NAV3: variants seen among roughly 807,000 people sequenced by gnomAD.
The protein encoded by NAV3 is pore membrane and/or filament interacting like protein 1.
A neutral mutation model predicts 244.7 loss-of-function variants in NAV3; 87 were observed. The observed-to-expected ratio is 0.36, with a 90% CI of 0.30 to 0.42. The LOEUF is 0.42. Among genes scored for constraint, NAV3 ranks in the 20% least tolerant of loss-of-function variants. The pLI, the probability that NAV3 is intolerant of heterozygous loss-of-function variation, is 1.00. For synonymous variants in NAV3, 1,126 were observed against 1,042.2 expected, an observed-to-expected ratio of 1.08 and a Z score of -1.55; for missense variants, 2,663 against 2,893.3, an observed-to-expected ratio of 0.92 and a Z score of 1.83.
At chr12:77,957,766 G>T (rs1268197112) in intron 3 of NAV3, among the ~76,000 whole-genome samples, 1 of 152,104 alleles carries the variant, frequency 6.6e-6, no homozygotes, top group South Asian at 2.1e-4. Context: ...GCAGGTTCAA[G>T]TGATTCTCGT....
chr12:77,997,796 T>G (rs902904672), intron 6 of NAV3, among the ~76,000 whole-genome samples: 1 of 152,226 alleles, frequency 6.6e-6, no homozygotes, highest in Admixed American at 6.5e-5. Flanking sequence ...CTTGGTACCA[T>G]GTTTTCATTA....
chr12:77,974,229 T>A (rs1185556176), intron 5 of NAV3, among the ~76,000 whole-genome samples: 1 of 151,952 alleles, frequency 6.6e-6, no homozygotes, highest in South Asian at 2.1e-4. Flanking sequence ...TTTTAAAAAT[T>A]TAAATATATG....
intron 2 of NAV3, among the ~76,000 whole-genome samples, chr12:77,746,099 C>T (rs1356910693): frequency 1.3e-5 from 2 of 150,752 alleles, no homozygotes; most frequent in Non-Finnish European, 3.0e-5. Context: ...AAATAGCAGT[C>T]GAAAGAAAAA....
chr12:77,638,505 C>T (rs1480927511), intron 2 of NAV3, among the ~76,000 whole-genome samples: 2 of 152,228 alleles, frequency 1.3e-5, no homozygotes, highest in Admixed American at 1.3e-4. Context: ...AGAAGTCACA[C>T]TCTGATGTCT....
At chr12:77,857,798 A>T (rs1878618274) in intron 1 of NAV3, among the ~76,000 whole-genome samples, 1 of 152,010 alleles carries the variant, frequency 6.6e-6, no homozygotes, top group Admixed American at 6.6e-5. Flanking sequence ...TGCATTATAC[A>T]GATTAAAATG....
In NAV3 at chr12:77,744,616, A is replaced by C. The variant is rs562146463; in HGVS notation, c.72+172350A>C. 2.0e-5 allele frequency among the ~76,000 whole-genome samples: 3 copies of C among 152,082 alleles called. No individual in the cohort carries two copies. The South Asian group carries it at 6.2e-4, about 32-fold the overall frequency. On this transcript the variant is annotated intron_variant, in intron 2 of 8. Transcript: ENST00000550042. ...AACTCATGTTTTACAAACTTCTTTC[A>C]AGGAAACAACTTCTGTTTAATCAGT... is the stretch of plus-strand genomic sequence containing the variant.
intron 2 of NAV3, among the ~76,000 whole-genome samples, chr12:77,724,273 CTTTTTCTGTATT>C (rs1805258502): frequency 6.6e-6 from 1 of 151,786 alleles, no homozygotes; most frequent in Non-Finnish European, 1.5e-5. Flanking sequence ...GTTGATTATG[CTTTTTCTGTATT>C]TTTTTCTGAG....
intron 2 of NAV3, among the ~76,000 whole-genome samples, chr12:77,730,638 A>G (rs1469699946): frequency 6.6e-6 from 1 of 151,888 alleles, no homozygotes; most frequent in Non-Finnish European, 1.5e-5. Context: ...GAGTTCCAAT[A>G]ATACAGAATT....
chr12:78,107,042 A>G (rs117265981), intron 12 of NAV3, among the ~76,000 whole-genome samples: 2 of 152,328 alleles, frequency 1.3e-5, no homozygotes, highest in Non-Finnish European at 2.9e-5. Flanking sequence ...CATCACAGGT[A>G]TATCTAAAGG....
intron 1 of NAV3, among the ~76,000 whole-genome samples, chr12:77,878,161 AG>A (rs1882104791): frequency 6.6e-6 from 1 of 151,818 alleles, no homozygotes; most frequent in African/African-American, 2.4e-5. Flanking sequence ...GGGAAGAGAA[AG>A]GACATGAGGT....
rs147426085 is a variant in NAV3 at position 78,159,466 on chromosome 12, C to T, written c.4869+180C>T. 5.2e-3 allele frequency among the ~76,000 whole-genome samples: 785 copies of T among 152,108 alleles called. 9 individuals carry two copies. The highest frequency in any genetic ancestry group is 0.018 in the African/African-American group (749 of 41,476). On this transcript the variant is annotated intron_variant, in intron 23 of 39. Transcript: ENST00000397909. ...ATCACTTAAGGTCAGGAGTTCGAGA[C>T]CAGCCTGGCCAACGTGGTAAAATCC...
At chr12:77,738,211 T>G (rs543030867) in intron 2 of NAV3, among the ~76,000 whole-genome samples, 1 of 152,332 alleles carries the variant, frequency 6.6e-6, no homozygotes, top group South Asian at 2.1e-4. Flanking sequence ...TTAAGATTGC[T>G]CCTAATAACC....
At chr12:77,637,838 T>C (rs2136941520) in intron 2 of NAV3, among the ~76,000 whole-genome samples, 1 of 152,368 alleles carries the variant, frequency 6.6e-6, no homozygotes. Flanking sequence ...CTAGCCATAA[T>C]TCCAAAGAAG....
intron 2 of NAV3, among the ~76,000 whole-genome samples, chr12:77,660,774 C>G (rs189031322): frequency 3.9e-5 from 6 of 152,238 alleles, no homozygotes; most frequent in Admixed American, 3.9e-4. Context: ...TCCATCCCAA[C>G]CAACCATGGA....
At chr12:77,797,632 G>A (rs1353413353) in intron 2 of NAV3, among the ~76,000 whole-genome samples, 1 of 148,258 alleles carries the variant, frequency 6.7e-6, no homozygotes, top group Non-Finnish European at 1.5e-5. Flanking sequence ...CACAAGGTCA[G>A]CAGTTTGAGA....
At chr12:77,822,802 G>A (rs972951704) in intron 2 of NAV3, among the ~76,000 whole-genome samples, 2 of 152,098 alleles carry the variant, frequency 1.3e-5, no homozygotes, top group African/African-American at 4.8e-5. Flanking sequence ...TTTAAGGGAA[G>A]TTCTTACCTG....
chr12:77,939,679 A>G (rs1565939947), intron 1 of NAV3, among the ~76,000 whole-genome samples: 1 of 152,126 alleles, frequency 6.6e-6, no homozygotes, highest in Non-Finnish European at 1.5e-5. Context: ...CAAATTGTCA[A>G]TTTTGTGCCT....
intron 12 of NAV3, among the ~76,000 whole-genome samples, chr12:78,075,545 G>A (rs754773614): frequency 5.3e-4 from 81 of 152,250 alleles, no homozygotes; most frequent in Admixed American, 2.0e-3. Flanking sequence ...TCCTAGATAG[G>A]ATTTGGGGGT....
intron 2 of NAV3, among the ~76,000 whole-genome samples, chr12:77,713,841 T>C (rs571658412): frequency 2.6e-5 from 4 of 152,248 alleles, no homozygotes; most frequent in South Asian, 2.1e-4. Context: ...AGTTTCTTGG[T>C]TATTGTGGGC....
Sources: gnomAD v4.1 joint callset for allele counts (sites outside exome capture counted in the v4.1 genomes callset) on GRCh38, gnomAD v4.1.1 for gene constraint, MANE v1.5 for transcripts, NCBI Gene and HGNC (gene_info 2026-07-23, HGNC 2026-07-21) for gene names.